DOCK1: variants seen among roughly 807,000 people sequenced by gnomAD.
DOCK1 encodes the protein dedicator of cytokinesis protein 1.
In DOCK1, 138 loss-of-function variants were observed where a neutral mutation model predicts 262.7. The ratio of observed to expected loss-of-function variants is 0.53; its 90% CI spans 0.46 to 0.61. DOCK1 has a LOEUF of 0.61. Among genes scored for constraint, DOCK1 ranks in the 20% least tolerant of loss-of-function variants. DOCK1 has a pLI of 0.00. For synonymous variants in DOCK1, 866 were observed against 867.4 expected (o/e 1.00, Z 0.03); for missense variants, 1,908 against 2,370.7 (o/e 0.80, Z 4.05).
intron 27 of DOCK1, among the ~76,000 whole-genome samples, chr10:127,170,838 T>G (rs2054506952): frequency 6.6e-6 from 1 of 152,212 alleles, no homozygotes; most frequent in Admixed American, 6.5e-5. Context: ...AGCATAATAC[T>G]AAGAGCTCTG....
At chr10:126,941,718 GCA>G (rs1191831573) in intron 1 of DOCK1, among the ~76,000 whole-genome samples, 1 of 152,018 alleles carries the variant, frequency 6.6e-6, no homozygotes, top group Non-Finnish European at 1.5e-5. Context: ...TCGTGCCACT[GCA>G]CTCCAGCCTG....
chr10:127,423,395 C>T (rs1018974780), intron 46 of DOCK1, among the ~76,000 whole-genome samples: 2 of 152,148 alleles, frequency 1.3e-5, no homozygotes, highest in African/African-American at 4.8e-5. Flanking sequence ...CTCCTCAGCC[C>T]TGCTTGCTGC....
chr10:127,403,469 C>G (rs1195390902), intron 39 of DOCK1, among the ~76,000 whole-genome samples: 1 of 152,212 alleles, frequency 6.6e-6, no homozygotes, highest in Non-Finnish European at 1.5e-5. Context: ...TAGTTTAAAA[C>G]TGACCCCAGG....
At chr10:127,374,552 T>C (rs758665520) in intron 35 of DOCK1, among the ~76,000 whole-genome samples, 1 of 152,164 alleles carries the variant, frequency 6.6e-6, no homozygotes, top group Non-Finnish European at 1.5e-5. Context: ...ATGTAGTACA[T>C]AGGCTGAATG....
chr10:127,125,363 G>T, intron 25 of DOCK1, 111 bp from the exon 26 acceptor site: 3 of 1,477,248 alleles, frequency 2.0e-6, no homozygotes, highest in Non-Finnish European at 2.8e-6. Context: ...TCAGTTCCAC[G>T]TGTTGCACAA....
rs1401394452 is a variant in DOCK1 at position 127,175,009 on chromosome 10, A to G, written c.2847+47245A>G. On this transcript the variant is annotated intron_variant, in intron 27 of 51. Transcript: ENST00000623213. This position sits in a 1 kb window ranked among gnomAD's most constrained non-coding sequence, Gnocchi z 6.3. Reference sequence around the variant, plus strand: ...AAGGCCAGAAAGATGAACATTAACCAGAAAGCGTATCGTGCAGGATGCAGT... The same window carrying G: ...AAGGCCAGAAAGATGAACATTAACCGGAAAGCGTATCGTGCAGGATGCAGT... Among the ~76,000 whole-genome samples, 1 of 152,232 alleles carries G rather than the reference A, an allele frequency of 6.6e-6. No individual in the cohort carries two copies.
chr10:127,404,463 T>C (rs778273934), intron 40 of DOCK1, 34 bp downstream of exon 40: 2 of 1,594,900 alleles, frequency 1.3e-6, no homozygotes. Flanking sequence ...TGAGCCATGA[T>C]TGTTCCCCCA....
intron 27 of DOCK1, among the ~76,000 whole-genome samples, chr10:127,210,425 G>C (rs970099374): frequency 1.3e-5 from 2 of 152,236 alleles, no homozygotes; most frequent in African/African-American, 4.8e-5. Flanking sequence ...ATGTAGAACC[G>C]TGTGCATTTG....
At chr10:127,354,643 G>T in intron 31 of DOCK1, 26 bp from the exon 32 acceptor site, 1 of 1,613,572 alleles carries the variant, frequency 6.2e-7, no homozygotes. Context: ...GAGTGATTCA[G>T]CGTTTTTCTT....
intron 1 of DOCK1, among the ~76,000 whole-genome samples, chr10:126,953,502 T>C (rs1269761411): frequency 6.6e-6 from 1 of 151,576 alleles, no homozygotes; most frequent in Non-Finnish European, 1.5e-5. Context: ...GATAGCAGTT[T>C]TGGTAATGTT....
At chr10:127,450,582 C>T (rs1335453955) in intron 51 of DOCK1, among the ~76,000 whole-genome samples, 2 of 152,164 alleles carry the variant, frequency 1.3e-5, no homozygotes, top group Non-Finnish European at 2.9e-5. Flanking sequence ...GTCTCCTGCA[C>T]ATCAGGTGTG....
chr10:126,998,358 C>A, intron 8 of DOCK1, 109 bp downstream of exon 8: 1 of 1,425,044 alleles, frequency 7.0e-7, no homozygotes, highest in Non-Finnish European at 9.7e-7. Context: ...GGATGAATGG[C>A]TGCTGGACAC....
At chr10:126,951,097 AGTG>A in intron 1 of DOCK1, among the ~76,000 whole-genome samples, 1 of 144,678 alleles carries the variant, frequency 6.9e-6, no homozygotes, top group African/African-American at 2.8e-5. Flanking sequence ...TATTGATGAT[AGTG>A]GTGGTAGTGT....
chr10:127,082,293 C>A (rs1342645681), intron 23 of DOCK1, among the ~76,000 whole-genome samples: 1 of 152,060 alleles, frequency 6.6e-6, no homozygotes, highest in East Asian at 1.9e-4. Context: ...CTGCCCGGGT[C>A]TGGGTTTGTA....
chr10:127,226,294 C>T (rs887245391), intron 27 of DOCK1, among the ~76,000 whole-genome samples: 1 of 152,080 alleles, frequency 6.6e-6, no homozygotes, highest in Admixed American at 6.6e-5. Flanking sequence ...CTACCCTACC[C>T]TATCTACAGG....
At chr10:127,348,539 G>A (rs1317513509) in intron 31 of DOCK1, among the ~76,000 whole-genome samples, 6 of 152,134 alleles carry the variant, frequency 3.9e-5, no homozygotes, top group African/African-American at 1.2e-4. Context: ...AAATTTCAGC[G>A]CAAGAGGTTA....
intron 27 of DOCK1, among the ~76,000 whole-genome samples, chr10:127,184,796 T>C (rs753060026): frequency 4.6e-5 from 7 of 152,170 alleles, no homozygotes; most frequent in Admixed American, 2.0e-4. Context: ...TCCTTCCTCA[T>C]GGATAGTCTG....
intron 27 of DOCK1, among the ~76,000 whole-genome samples, chr10:127,242,787 AG>A (rs1412908061): frequency 6.6e-6 from 1 of 152,178 alleles, no homozygotes; most frequent in African/African-American, 2.4e-5. Context: ...TCCTCTTCAA[AG>A]TCCTTGCCTT....
chr10:126,984,179 C>T (rs1427848931), intron 4 of DOCK1, among the ~76,000 whole-genome samples: 5 of 152,152 alleles, frequency 3.3e-5, no homozygotes, highest in African/African-American at 1.2e-4. Flanking sequence ...TGATCTGTCT[C>T]TGTGGGTGAT....
Sources: allele counts gnomAD v4.1 joint callset (sites outside exome capture counted in the v4.1 genomes callset), GRCh38; gene constraint gnomAD v4.1.1; non-coding constraint Gnocchi (gnomAD v3.1); transcripts MANE v1.5; gene names NCBI Gene and HGNC (gene_info 2026-07-23, HGNC 2026-07-21).